RAB3C: variants seen among roughly 807,000 people sequenced by gnomAD.
The protein encoded by RAB3C is ras-related protein Rab-3C.
Under a neutral mutation model 26.4 loss-of-function variants are expected in RAB3C, and 17 were observed. The ratio of observed to expected loss-of-function variants is 0.64; its 90% confidence interval spans 0.44 to 0.97. RAB3C has a LOEUF of 0.97. Among genes scored for constraint, RAB3C ranks in the 50% least tolerant of loss-of-function variants. The pLI is 0.00. For missense variants in RAB3C, 242 were observed against 281.9 expected (o/e 0.86, Z 1.01); for synonymous variants, 91 against 95.9 (o/e 0.95, Z 0.30).
intron 3 of RAB3C, among the ~76,000 whole-genome samples, chr5:58,769,662 G>T (rs1195679936): frequency 6.6e-6 from 1 of 152,120 alleles, no homozygotes; most frequent in Non-Finnish European, 1.5e-5. Context: ...CTGATTTTAT[G>T]AACCTGCTAT....
chr5:58,608,998 C>G (rs895781113), intron 1 of RAB3C, among the ~76,000 whole-genome samples: 5 of 152,018 alleles, frequency 3.3e-5, no homozygotes, highest in African/African-American at 1.2e-4. Flanking sequence ...AATGAGAACA[C>G]TTGGACTTAG....
At chr5:58,659,527 T>C (rs1747853579) in intron 2 of RAB3C, among the ~76,000 whole-genome samples, 1 of 152,194 alleles carries the variant, frequency 6.6e-6, no homozygotes, top group African/African-American at 2.4e-5. Flanking sequence ...TTCATTGCTT[T>C]TCTAAGTAGC....
intron 1 of RAB3C, among the ~76,000 whole-genome samples, chr5:58,608,337 A>T (rs1746616053): frequency 6.6e-6 from 1 of 152,172 alleles, no homozygotes; most frequent in Non-Finnish European, 1.5e-5. Flanking sequence ...ACTTAAACAA[A>T]TTTACAAGAA....
At chr5:58,833,324 T>TCA (rs571940681) in intron 4 of RAB3C, among the ~76,000 whole-genome samples, 6,165 of 141,050 alleles carry the variant, frequency 0.044, 161 homozygotes, top group East Asian at 0.15. Context: ...ACGGACCCCA[T>TCA]CACACACACA....
intron 3 of RAB3C, among the ~76,000 whole-genome samples, chr5:58,766,599 G>A: frequency 6.6e-6 from 1 of 152,172 alleles, no homozygotes; most frequent in East Asian, 1.9e-4. Flanking sequence ...ATGAGGAGGT[G>A]AAATCACCAG....
chr5:58,652,951 C>A (rs545644013), intron 2 of RAB3C, among the ~76,000 whole-genome samples: 1 of 151,828 alleles, frequency 6.6e-6, no homozygotes, highest in Admixed American at 6.6e-5. Context: ...TGAATTTGCA[C>A]GCAATTTAGG....
At chr5:58,714,620 T>TAAA (rs942625273) in intron 2 of RAB3C, among the ~76,000 whole-genome samples, 1 of 152,106 alleles carries the variant, frequency 6.6e-6, no homozygotes, top group African/African-American at 2.4e-5. Context: ...GTTTAAAATA[T>TAAA]AAAACATTGT....
At chr5:58,585,417 A>G (rs1745991067) in intron 1 of RAB3C, among the ~76,000 whole-genome samples, 1 of 151,994 alleles carries the variant, frequency 6.6e-6, no homozygotes, top group Non-Finnish European at 1.5e-5. Context: ...TAAAGACTGA[A>G]CCACATCATC....
chr5:58,628,331 A>C (rs932812827), intron 2 of RAB3C, among the ~76,000 whole-genome samples: 2 of 152,158 alleles, frequency 1.3e-5, no homozygotes, highest in African/African-American at 2.4e-5. Context: ...ATGATTTTAC[A>C]AAGGTGTGTG....
At chr5:58,786,785 C>T (rs549335644) in intron 3 of RAB3C, among the ~76,000 whole-genome samples, 1 of 151,960 alleles carries the variant, frequency 6.6e-6, no homozygotes, top group East Asian at 1.9e-4. Flanking sequence ...AAAAAAAAAT[C>T]TACTTATGTG....
intron 3 of RAB3C, among the ~76,000 whole-genome samples, chr5:58,813,885 A>G (rs2112043864): frequency 7.3e-6 from 1 of 137,146 alleles, no homozygotes; most frequent in South Asian, 2.3e-4. Context: ...AACACAATTT[A>G]TTGGCATTTC....
chr5:58,666,644 G>A (rs926206870), intron 2 of RAB3C, among the ~76,000 whole-genome samples: 17 of 152,192 alleles, frequency 1.1e-4, no homozygotes, highest in Admixed American at 7.2e-4. Flanking sequence ...TGACCAGTTA[G>A]TAGAGATAGG....
At chr5:58,675,615 C>CTTTTTT (rs1195191076) in intron 2 of RAB3C, among the ~76,000 whole-genome samples, 3 of 89,388 alleles carry the variant, frequency 3.4e-5, no homozygotes, top group South Asian at 3.9e-4. Flanking sequence ...GGCCATTTGT[C>CTTTTTT]TTTTTTTTTT....
At chr5:58,743,552 T>A (rs1321619529) in intron 3 of RAB3C, among the ~76,000 whole-genome samples, 1 of 152,078 alleles carries the variant, frequency 6.6e-6, no homozygotes, top group African/African-American at 2.4e-5. Context: ...CCTAATGCTC[T>A]CCCTCCCCCT....
chr5:58,761,063 T>TCACACACACA (rs3060342), intron 3 of RAB3C, among the ~76,000 whole-genome samples: 45 of 144,818 alleles, frequency 3.1e-4, no homozygotes, highest in South Asian at 4.6e-4. Context: ...TCTCTCTCTC[T>TCACACACACA]CACACACACA....
intron 2 of RAB3C, among the ~76,000 whole-genome samples, chr5:58,644,100 G>A (rs571588802): frequency 1.2e-4 from 18 of 152,158 alleles, no homozygotes; most frequent in Non-Finnish European, 2.1e-4. Context: ...AATTACAGGC[G>A]TGAACCACTG....
chr5:58,694,744 G>T (rs934109968), intron 2 of RAB3C, among the ~76,000 whole-genome samples: 21 of 152,190 alleles, frequency 1.4e-4, no homozygotes, highest in African/African-American at 3.6e-4. Flanking sequence ...TTTGAGAAGT[G>T]TCTGTTCATA....
intron 2 of RAB3C, among the ~76,000 whole-genome samples, chr5:58,656,380 T>C (rs960449466): frequency 2.6e-5 from 4 of 152,144 alleles, no homozygotes; most frequent in African/African-American, 9.7e-5. Flanking sequence ...TCTCACCACA[T>C]ACACAAAAAA....
chr5:58,638,663 GAAAC>G (rs1316144311), intron 2 of RAB3C, among the ~76,000 whole-genome samples: 1 of 152,162 alleles, frequency 6.6e-6, no homozygotes, highest in Non-Finnish European at 1.5e-5. Context: ...TCAGAACAGA[GAAAC>G]AAAGTTCAGA....
Sources: allele counts gnomAD v4.1 joint callset (sites outside exome capture counted in the v4.1 genomes callset), GRCh38; gene constraint gnomAD v4.1.1; transcripts MANE v1.5; gene names NCBI Gene and HGNC (gene_info 2026-07-23, HGNC 2026-07-21).